Variants in SPATA7 observed in about 807,000 individuals in gnomAD.
The protein encoded by SPATA7 is spermatogenesis associated 7.
In SPATA7, 43 loss-of-function variants were observed where a neutral mutation model predicts 51.8. That is an observed-to-expected ratio of 0.83 (90% CI 0.65 to 1.07). SPATA7 has a LOEUF of 1.07. Ranked by LOEUF, SPATA7 falls within the 50% of genes least tolerant of loss-of-function variation. The pLI, the probability that SPATA7 is intolerant of heterozygous loss-of-function variation, is 0.00. For missense variants in SPATA7, 683 were observed against 701.3 expected, an observed-to-expected ratio of 0.97 and a Z score of 0.30; for synonymous variants, 230 against 252.8, an observed-to-expected ratio of 0.91 and a Z score of 0.86.
intron 10 of SPATA7, among the ~76,000 whole-genome samples, chr14:88,434,864 T>TA (rs1015607356): frequency 1.3e-5 from 2 of 151,990 alleles, no homozygotes; most frequent in Non-Finnish European, 2.9e-5. Context: ...TCTTGGGTTT[T>TA]AATAAAAAAT....
chr14:88,419,351 T>C (rs549743687), intron 5 of SPATA7, among the ~76,000 whole-genome samples: 13 of 152,220 alleles, frequency 8.5e-5, no homozygotes, highest in African/African-American at 2.9e-4. Context: ...TTTCTATTAA[T>C]ATTTTCTGAT....
intron 3 of SPATA7, among the ~76,000 whole-genome samples, chr14:88,448,122 C>T (rs982177174): frequency 6.6e-6 from 1 of 152,146 alleles, no homozygotes; most frequent in Non-Finnish European, 1.5e-5. Flanking sequence ...TCAGGTACAC[C>T]AATCAGACGT....
At chr14:88,407,031 G>A (rs2076218358) in intron 4 of SPATA7, among the ~76,000 whole-genome samples, 1 of 152,186 alleles carries the variant, frequency 6.6e-6, no homozygotes, top group South Asian at 2.1e-4. Flanking sequence ...GGGCATTTGT[G>A]TTGGTTCCAA....
At chr14:88,431,555 CTCCT>C (rs1041550478) in intron 9 of SPATA7, among the ~76,000 whole-genome samples, 1 of 152,162 alleles carries the variant, frequency 6.6e-6, no homozygotes, top group African/African-American at 2.4e-5. Flanking sequence ...CTAGAACTTA[CTCCT>C]CCTATCTAGC....
chr14:88,393,671 A>G (rs918765476), intron 3 of SPATA7, 183 bp downstream of exon 3: 27 of 514,018 alleles, frequency 5.3e-5, no homozygotes, highest in Non-Finnish European at 9.1e-5. Context: ...CATTTTTGTT[A>G]ACTATATTTG....
chr14:88,431,028 T>C (rs2076924832), intron 8 of SPATA7, 144 bp from the exon 9 acceptor site: 1 of 820,200 alleles, frequency 1.2e-6, no homozygotes, highest in East Asian at 2.4e-5. Context: ...AATGGAAATA[T>C]TCCAAAATCC....
chr14:88,439,040 C>A (rs574591643), downstream of SPATA7, among the ~76,000 whole-genome samples: 1 of 152,138 alleles, frequency 6.6e-6, no homozygotes, highest in Non-Finnish European at 1.5e-5. Flanking sequence ...CATCTGAGGA[C>A]CTGCTGGCCA....
intron 4 of SPATA7, among the ~76,000 whole-genome samples, chr14:88,463,258 T>C (rs1012728935): frequency 6.6e-6 from 1 of 152,084 alleles, no homozygotes; most frequent in Non-Finnish European, 1.5e-5. Context: ...TTTTGCCAAT[T>C]TGCCCTCCTT....
chr14:88,419,874 A>G (rs935459352), intron 5 of SPATA7, among the ~76,000 whole-genome samples: 4 of 151,994 alleles, frequency 2.6e-5, no homozygotes, highest in East Asian at 1.9e-4. Flanking sequence ...ATTTGACTCA[A>G]TGTGGTAGAC....
intron 5 of SPATA7, among the ~76,000 whole-genome samples, chr14:88,420,652 G>C (rs146064048): frequency 1.3e-5 from 2 of 152,130 alleles, no homozygotes; most frequent in East Asian, 3.9e-4. Flanking sequence ...TATCACCTAG[G>C]TTGTAGCAAT....
downstream of SPATA7, among the ~76,000 whole-genome samples, chr14:88,442,963 A>T (rs145293807): frequency 0.029 from 3,726 of 130,286 alleles, 175 homozygotes; most frequent in African/African-American, 0.1. Context: ...TTTTTTTGAG[A>T]TAGAGTCTCG....
intron 4 of SPATA7, among the ~76,000 whole-genome samples, chr14:88,463,158 C>T (rs1363335488): frequency 6.6e-6 from 1 of 152,100 alleles, no homozygotes; most frequent in Non-Finnish European, 1.5e-5. Context: ...AAGACCTTCA[C>T]CTTCCTTCTT....
At chr14:88,462,463 A>G (rs1315225220) in intron 4 of SPATA7, among the ~76,000 whole-genome samples, 4 of 152,364 alleles carry the variant, frequency 2.6e-5, no homozygotes, top group African/African-American at 7.2e-5. Flanking sequence ...AAGAGTGAAT[A>G]CTGAAGATGT....
chr14:88,467,003 G>GT (rs1367069354), intron 4 of SPATA7: 1 of 152,230 alleles, frequency 6.6e-6, no homozygotes, highest in African/African-American at 2.4e-5. Flanking sequence ...AGGAAACGGA[G>GT]TAAGTCACTG....
At chr14:88,425,140 T>G (rs1469102062) in intron 5 of SPATA7, among the ~76,000 whole-genome samples, 1 of 152,164 alleles carries the variant, frequency 6.6e-6, no homozygotes, top group Non-Finnish European at 1.5e-5. Flanking sequence ...GGGTAATAAT[T>G]GTACTACCTC....
At chr14:88,388,497 G>T (rs2075645078) in intron 1 of SPATA7, among the ~76,000 whole-genome samples, 1 of 152,110 alleles carries the variant, frequency 6.6e-6, no homozygotes, top group Non-Finnish European at 1.5e-5. Flanking sequence ...TGCCCCTTTG[G>T]CTCATTCTGG....
At chr14:88,451,036 GA>G (rs1175532492) in intron 3 of SPATA7, among the ~76,000 whole-genome samples, 6 of 152,122 alleles carry the variant, frequency 3.9e-5, no homozygotes, top group Admixed American at 6.6e-5. Context: ...GGGCTAATTT[GA>G]AAGCCTTGTC....
intron 4 of SPATA7, chr14:88,468,119 G>A (rs1190919094): frequency 1.1e-5 from 18 of 1,613,148 alleles, no homozygotes; most frequent in East Asian, 2.2e-5. Flanking sequence ...GACTGGCCCC[G>A]TAAGAAATTG....
At chr14:88,435,665 C>T (rs970947550) in intron 10 of SPATA7, among the ~76,000 whole-genome samples, 5 of 152,088 alleles carry the variant, frequency 3.3e-5, no homozygotes, top group East Asian at 1.9e-4. Context: ...CCCACAAATA[C>T]GTGGGAGAAT....
Sources: gnomAD v4.1 joint callset for allele counts (sites outside exome capture counted in the v4.1 genomes callset) on GRCh38, gnomAD v4.1.1 for gene constraint, MANE v1.5 for transcripts, NCBI Gene and HGNC (gene_info 2026-07-23, HGNC 2026-07-21) for gene names.